The following GATA6 variants were observed in gnomAD, a reference collection of about 807,000 sequenced individuals.
The protein encoded by GATA6 is transcription factor GATA-6.
GATA6 carries 11 observed loss-of-function variants against 48.1 expected under a neutral mutation model. The ratio of observed to expected loss-of-function variants is 0.23; its 90% CI spans 0.14 to 0.38. The LOEUF (loss-of-function observed/expected upper bound fraction) is 0.38. GATA6 is among the 10% of genes least tolerant of loss of function. GATA6 has a pLI of 1.00. For synonymous variants in GATA6, 419 were observed against 396.1 expected, an observed-to-expected ratio of 1.06 and a Z score of -0.69; for missense variants, 795 against 850.3, an observed-to-expected ratio of 0.93 and a Z score of 0.81.
rs2033249519 is a variant in GATA6, at chr18:22,185,193, T to C, written c.1620+2150T>C. Among the ~76,000 whole-genome samples, 2 of 152,218 alleles carry C rather than the reference T, an allele frequency of 1.3e-5. No individual in the cohort carries two copies. Among genetic ancestry groups the C allele is most frequent in the Non-Finnish European group, 2.9e-5 (2 of 68,034 alleles). ...AGAAGGGCCTTGGGAGTTCCATCTC[T>C]GGTCCTAGGCTTATTGTCCCAGGAA... is the stretch of plus-strand genomic sequence containing the variant. On this transcript the variant is annotated intron_variant, in intron 6 of 6. Coordinates refer to ENST00000269216, the MANE Select transcript of GATA6 (RefSeq NM_005257.6). The surrounding 1 kb of genome is among the most constrained non-coding windows in gnomAD (Gnocchi z 4.3).
rs145348592 is a variant in GATA6, at chr18:22,201,449, T to G, written c.*626T>G. On this transcript the variant is annotated 3_prime_UTR_variant, in exon 7 of 7. Transcript: ENST00000269216. Reference sequence around the variant, plus strand: ...AGGGTAGCAAACAAGATATTTTTCTTCCATGTATACAATAATTTTTTTAAA... The same window carrying G: ...AGGGTAGCAAACAAGATATTTTTCTGCCATGTATACAATAATTTTTTTAAA... The G allele has an allele frequency of 6.5e-6, 1 of 153,276 alleles. No individual in the cohort carries two copies. Among genetic ancestry groups the G allele is most frequent in the Non-Finnish European group, 1.5e-5 (1 of 68,406 alleles). 9.5% of individuals were successfully genotyped at this position (153,276 alleles called of 1,614,324 possible).
chr18:22,182,094 A>C (rs570366062), intron 4 of GATA6, among the ~76,000 whole-genome samples: 86 of 152,358 alleles, frequency 5.6e-4, no homozygotes, highest in African/African-American at 1.9e-3. Context: ...TATAATAAAC[A>C]ACTCAATCTT....
At chr18:22,178,539 A>G (rs760999283) in intron 3 of GATA6, among the ~76,000 whole-genome samples, 5 of 152,258 alleles carry the variant, frequency 3.3e-5, no homozygotes, top group Non-Finnish European at 7.3e-5. Context: ...CAAATGCTAC[A>G]CATGTTGTTT....
Position 22,195,735 on chromosome 18 carries a change from A to G in GATA6, c.1621-4921A>G, listed in dbSNP as rs117329834. 6.2e-3 allele frequency among the ~76,000 whole-genome samples: 945 copies of G among 152,282 alleles called. 4 individuals are homozygous for G. Among genetic ancestry groups the G allele is most frequent in the Admixed American group, 0.011 (168 of 15,300 alleles). On this transcript the variant is annotated intron_variant, in intron 6 of 6. Coordinates refer to ENST00000269216, the MANE Select transcript of GATA6 (RefSeq NM_005257.6). ...TTCATATCTTGCTGTTTTTCACTTA[A>G]CATGGTATTACAGGATTTTTTCCAT...
At chr18:22,181,181 A>G (rs2033190753) in intron 3 of GATA6, among the ~76,000 whole-genome samples, 1 of 152,152 alleles carries the variant, frequency 6.6e-6, no homozygotes, top group Non-Finnish European at 1.5e-5. Flanking sequence ...CAACTATATG[A>G]CTGCTCCCGG....
chr18:22,177,541 T>C (rs1484640923), intron 3 of GATA6, among the ~76,000 whole-genome samples: 3 of 152,180 alleles, frequency 2.0e-5, no homozygotes, highest in Non-Finnish European at 4.4e-5. Flanking sequence ...AAGAAATTGG[T>C]GATGGTAACC....
chr18:22,172,413 AG>A lies in GATA6; in HGVS notation c.1135+136del. On this transcript the variant is annotated intron_variant, in intron 2 of 6. Transcript: ENST00000269216. The surrounding 1 kb of genome is among the most constrained non-coding windows in gnomAD (Gnocchi z 5.2). ...GGTGCGCGGAGGTCGGCCTGGTCCC[AG>A]GAAGGATTTGCAGGCCTGTGGCTGG... The A allele has an allele frequency of 7.0e-7, 1 of 1,426,498 alleles. No individual in the cohort carries two copies. The highest frequency in any genetic ancestry group is 9.2e-7 in the Non-Finnish European group (1 of 1,085,194). 88.4% of individuals were successfully genotyped at this position (1,426,498 alleles called of 1,614,324 possible). A position where few individuals can be genotyped will look rare whatever the true frequency, so the allele number is the denominator to read the frequency against.
chr18:22,199,547 T>G (rs1040585895), intron 6 of GATA6, among the ~76,000 whole-genome samples: 4 of 152,222 alleles, frequency 2.6e-5, no homozygotes, highest in African/African-American at 9.6e-5. Context: ...GTTTCCTATT[T>G]GGCCTTTTTC....
At chr18:22,182,058 A>C (rs1211347954) in intron 4 of GATA6, among the ~76,000 whole-genome samples, 2 of 152,262 alleles carry the variant, frequency 1.3e-5, no homozygotes, top group Non-Finnish European at 2.9e-5. Flanking sequence ...AATATTTCAT[A>C]GTTCATTTTA....
intron 3 of GATA6, 32 bp downstream of exon 3, chr18:22,177,153 G>C: frequency 6.5e-7 from 1 of 1,531,882 alleles, no homozygotes; most frequent in Non-Finnish European, 8.8e-7. Flanking sequence ...CCTGGCTCGC[G>C]GCCGGCCCCG....
Position 22,171,001 on chromosome 18 carries a change from G to C in GATA6, c.-37-107G>C, listed in dbSNP as rs1598733547. The C allele has an allele frequency of 2.8e-6, 2 of 704,946 alleles. No individual in the cohort carries two copies. The highest frequency in any genetic ancestry group is 5.5e-5 in the East Asian group (2 of 36,684). The allele number at this position is 704,946 out of a possible 1,614,324, so 43.7% of individuals were successfully genotyped here. A position where few individuals can be genotyped will look rare whatever the true frequency, so the allele number is the denominator to read the frequency against. On this transcript the variant is annotated intron_variant, in intron 1 of 6. Transcript: ENST00000269216. This position sits in a 1 kb window ranked among gnomAD's most constrained non-coding sequence, Gnocchi z 7.1. The stretch of plus-strand genomic sequence containing the variant: ...CTCAAATGGGATCTTTGAGAAGTCA[G>C]ATCCCATTTGAACTAGAAAAAGGAG...
intron 3 of GATA6, among the ~76,000 whole-genome samples, chr18:22,177,952 GTTTTTTTTTTTTT>G (rs775374335): frequency 1.2e-5 from 1 of 80,458 alleles, no homozygotes; most frequent in Non-Finnish European, 2.6e-5. Flanking sequence ...CTGTTTTTTT[GTTTTTTTTTTTTT>G]TTTTTTTTTT....
rs149569288 is a variant in GATA6, at chr18:22,200,758, G to A, written c.1723G>A (p.Ala575Thr). Reference protein sequence around the residue: ...QDGLYIGVSLASPAEVTSSVR... With the variant: ...QDGLYIGVSLTSPAEVTSSVR... ...TGGGCTCTACATAGGCGTCAGTCTC[G>A]CCTCGCCGGCCGAAGTCACGTCCTC... Residue 575 changes from alanine to threonine, a missense_variant, in exon 7 of 7, where the codon GCC becomes ACC. Physicochemically the swap from Ala to Thr is moderately conservative, Grantham distance 58. Coordinates refer to ENST00000269216, the MANE Select transcript of GATA6 (RefSeq NM_005257.6). The A allele has an allele frequency of 6.2e-7, 1 of 1,613,954 alleles. No homozygotes were observed. The highest frequency in any genetic ancestry group is 8.5e-7 in the Non-Finnish European group (1 of 1,180,028).
intron 6 of GATA6, among the ~76,000 whole-genome samples, chr18:22,193,003 T>C (rs1441939717): frequency 1.3e-5 from 2 of 152,128 alleles, no homozygotes; most frequent in Non-Finnish European, 2.9e-5. Context: ...TCCCTTGGTG[T>C]GGCTATAACC....
At chr18:22,195,857 A>AAT (rs1485144648) in intron 6 of GATA6, among the ~76,000 whole-genome samples, 1 of 152,208 alleles carries the variant, frequency 6.6e-6, no homozygotes, top group East Asian at 1.9e-4. Flanking sequence ...ATTAGACATT[A>AAT]GATTGTTTCT....
intron 6 of GATA6, among the ~76,000 whole-genome samples, chr18:22,187,022 T>G (rs946052557): frequency 1.3e-5 from 2 of 152,256 alleles, no homozygotes; most frequent in African/African-American, 4.8e-5. Context: ...TTGCCTATTT[T>G]TTTCTTTTGA....
At chr18:22,179,453 T>G (rs563698507) in intron 3 of GATA6, among the ~76,000 whole-genome samples, 2 of 152,358 alleles carry the variant, frequency 1.3e-5, no homozygotes, top group South Asian at 4.1e-4. Flanking sequence ...TTTCACATGT[T>G]TATGAGGACT....
rs979067151 is a variant in GATA6, at chr18:22,177,944, G to GTTTT, written c.1302+827_1302+830dup. ...TTCCCCAATTCGCACACGTTTTACT[G>GTTTT]TTTTTTTGTTTTTTTTTTTTTTTTT... is the stretch of plus-strand genomic sequence containing the variant. On this transcript the variant is annotated intron_variant, in intron 3 of 6. Transcript: ENST00000269216. Among the ~76,000 whole-genome samples, 187 of 77,856 alleles carry GTTTT rather than the reference G, an allele frequency of 2.4e-3. 39 individuals carry two copies. Among genetic ancestry groups the GTTTT allele is most frequent in the African/African-American group, 8.8e-3 (140 of 15,880 alleles). The allele number at this position is 77,856 out of a possible 152,430, so 51.1% of individuals were successfully genotyped here.
At chr18:22,194,023 T>C (rs2033359296) in intron 6 of GATA6, among the ~76,000 whole-genome samples, 1 of 152,078 alleles carries the variant, frequency 6.6e-6, no homozygotes, top group Non-Finnish European at 1.5e-5. Context: ...TCAGAAATCT[T>C]TGACTTTTCA....
Sources: gnomAD v4.1 joint callset for allele counts (sites outside exome capture counted in the v4.1 genomes callset) on GRCh38, gnomAD v4.1.1 for gene constraint, Gnocchi (gnomAD v3.1) non-coding constraint, MANE v1.5 for transcripts, NCBI Gene and HGNC (gene_info 2026-07-23, HGNC 2026-07-21) for gene names.